EPHA3: variants seen among roughly 807,000 people sequenced by gnomAD.
EPHA3 encodes EPH receptor A3, also known as ephrin type-A receptor 3.
Under a neutral mutation model 107.1 loss-of-function variants are expected in EPHA3, and 42 were observed. That is an observed-to-expected ratio of 0.39 (90% CI 0.31 to 0.51). The LOEUF (loss-of-function observed/expected upper bound fraction) is 0.51, where lower values mean the gene tolerates loss of function less well. Among genes scored for constraint, EPHA3 ranks in the 20% least tolerant of loss-of-function variants. The pLI is 0.78. For synonymous variants in EPHA3, 461 were observed against 424.8 expected (o/e 1.09, Z -1.05); for missense variants, 1,183 against 1,211.2 (o/e 0.98, Z 0.35).
At chr3:89,164,936 C>G (rs1226238900) in intron 2 of EPHA3, among the ~76,000 whole-genome samples, 1 of 152,026 alleles carries the variant, frequency 6.6e-6, no homozygotes, top group Non-Finnish European at 1.5e-5. Context: ...ACTACTCAAA[C>G]AAACAAACAA....
intron 3 of EPHA3, among the ~76,000 whole-genome samples, chr3:89,248,346 C>T (rs904825766): frequency 2.0e-5 from 3 of 152,142 alleles, no homozygotes; most frequent in South Asian, 2.1e-4. Context: ...CATTCTAAAA[C>T]GTCTGACTTC....
intron 2 of EPHA3, among the ~76,000 whole-genome samples, chr3:89,154,462 A>G (rs1704755104): frequency 6.6e-6 from 1 of 151,884 alleles, no homozygotes; most frequent in South Asian, 2.1e-4. Context: ...ACTGCTAATT[A>G]TGTATAAATG....
rs757269652 is a variant in EPHA3, at chr3:89,152,245, A to C, written c.153+24972A>C. On this transcript the variant is annotated intron_variant, in intron 2 of 16. Transcript: ENST00000336596. ...TATCTCTAACTCAACAAATGATCAG[A>C]GGGAATACAACATACATAAGTCACC... is the stretch of plus-strand genomic sequence containing the variant. 1.1e-4 allele frequency among the ~76,000 whole-genome samples: 16 copies of C among 152,220 alleles called. No homozygotes were observed. The South Asian group carries it at 3.3e-3, about 32-fold the overall frequency.
intron 5 of EPHA3, among the ~76,000 whole-genome samples, chr3:89,389,738 G>A (rs1256258505): frequency 6.6e-6 from 1 of 152,192 alleles, no homozygotes; most frequent in East Asian, 1.9e-4. Context: ...GCAGACACAT[G>A]TATCAAGTGT....
chr3:89,282,921 G>A (rs1705984238), intron 3 of EPHA3, among the ~76,000 whole-genome samples: 3 of 152,054 alleles, frequency 2.0e-5, no homozygotes, highest in Admixed American at 1.3e-4. Context: ...GAAAGGCTTT[G>A]CCTTTATTTC....
At chr3:89,264,791 G>A (rs1008008733) in intron 3 of EPHA3, among the ~76,000 whole-genome samples, 1 of 152,100 alleles carries the variant, frequency 6.6e-6, no homozygotes, top group Non-Finnish European at 1.5e-5. Flanking sequence ...AAAGAAAACA[G>A]TAGGAGTTTT....
intron 12 of EPHA3, among the ~76,000 whole-genome samples, chr3:89,429,850 G>C (rs1474939644): frequency 6.6e-6 from 1 of 152,060 alleles, no homozygotes; most frequent in African/African-American, 2.4e-5. Flanking sequence ...TGCAATCCCC[G>C]CCTGCTGGGT....
At chr3:89,177,318 C>T (rs1383110895) in intron 2 of EPHA3, among the ~76,000 whole-genome samples, 2 of 152,136 alleles carry the variant, frequency 1.3e-5, no homozygotes, top group African/African-American at 2.4e-5. Flanking sequence ...TGTGCACTGA[C>T]AACTGAGTGT....
At chr3:89,360,535 A>C (rs993209043) in intron 5 of EPHA3, among the ~76,000 whole-genome samples, 3 of 150,918 alleles carry the variant, frequency 2.0e-5, no homozygotes, top group African/African-American at 7.3e-5. Flanking sequence ...CTTTCTCTCA[A>C]ACTGTATATC....
chr3:89,173,821 A>G (rs868067305), intron 2 of EPHA3, among the ~76,000 whole-genome samples: 3 of 152,164 alleles, frequency 2.0e-5, no homozygotes, highest in Non-Finnish European at 2.9e-5. Flanking sequence ...TAAAAATAAC[A>G]TACTGTCACA....
Position 89,460,266 on chromosome 3 carries a change from T to C in EPHA3, c.2690+9896T>C, listed in dbSNP as rs573533395. Among the ~76,000 whole-genome samples the C allele has an allele frequency of 7.9e-5, 12 of 152,104 alleles. No individual in the cohort carries two copies. In the South Asian group the frequency reaches 2.5e-3, roughly 32 times the overall value. On this transcript the variant is annotated intron_variant, in intron 15 of 16. Coordinates refer to ENST00000336596, the MANE Select transcript of EPHA3 (RefSeq NM_005233.6). Reference sequence around the variant, plus strand: ...TTGAATTCTTCTATACTGTTGTAAATTGATAAAATTCAAATTCTTGACACA... The same window carrying C: ...TTGAATTCTTCTATACTGTTGTAAACTGATAAAATTCAAATTCTTGACACA...
Position 89,127,213 on chromosome 3 carries a change from T to C in EPHA3, c.93T>C (p.Asn31=), listed in dbSNP as rs1704113620. ...ELIPQPSNEV[N]LLDSKTIQGE... The stretch of plus-strand genomic sequence containing the variant: ...GTGTATTATGTTTTATTTTAGTCAA[T>C]CTACTGGATTCAAAAACAATTCAAG... Residue 31 remains asparagine, a synonymous_variant, in exon 2 of 17, where the codon AAT becomes AAC. Coordinates refer to ENST00000336596, the MANE Select transcript of EPHA3 (RefSeq NM_005233.6). 6.2e-7 allele frequency: 1 copy of C among 1,611,348 alleles called. No individual in the cohort carries two copies. Among genetic ancestry groups the C allele is most frequent in the Non-Finnish European group, 8.5e-7 (1 of 1,177,868 alleles).
intron 3 of EPHA3, among the ~76,000 whole-genome samples, chr3:89,239,742 C>A (rs1704851520): frequency 1.3e-5 from 2 of 152,128 alleles, no homozygotes; most frequent in Admixed American, 6.5e-5. Flanking sequence ...AATCTCTGCA[C>A]AAGATAATTT....
At chr3:89,136,583 G>A (rs1231192122) in intron 2 of EPHA3, among the ~76,000 whole-genome samples, 1 of 151,516 alleles carries the variant, frequency 6.6e-6, no homozygotes, top group East Asian at 1.9e-4. Context: ...TAGGAGATTG[G>A]ATTAGAATTT....
At chr3:89,155,083 G>A (rs1023432481) in intron 2 of EPHA3, among the ~76,000 whole-genome samples, 52 of 151,462 alleles carry the variant, frequency 3.4e-4, no homozygotes, top group African/African-American at 1.2e-3. Flanking sequence ...TGATAGTGCT[G>A]TACATTAAAT....
At chr3:89,439,326 T>A (rs923683280) in intron 13 of EPHA3, among the ~76,000 whole-genome samples, 21 of 152,280 alleles carry the variant, frequency 1.4e-4, no homozygotes, top group African/African-American at 4.8e-4. Flanking sequence ...CTATTGGTGA[T>A]GCATGCCTTT....
chr3:89,361,111 C>G (rs1708082165), intron 5 of EPHA3, among the ~76,000 whole-genome samples: 1 of 150,840 alleles, frequency 6.6e-6, no homozygotes, highest in African/African-American at 2.4e-5. Context: ...AGAATTTTAC[C>G]TAGAGTGCAC....
In EPHA3 at chr3:89,388,354, A is replaced by T. The variant is rs563969344; in HGVS notation, c.1307-7483A>T. ...TGGGAAGACATACTGTAAGCAAATG[A>T]TGTAATTACAACACAATGCAGTCAG... On this transcript the variant is annotated intron_variant, in intron 5 of 16. Coordinates refer to ENST00000336596, the MANE Select transcript of EPHA3 (RefSeq NM_005233.6). 1.2e-3 allele frequency among the ~76,000 whole-genome samples: 188 copies of T among 152,300 alleles called. 7 individuals carry two copies. Among genetic ancestry groups the T allele is most frequent in the Admixed American group, 0.012 (188 of 15,296 alleles).
intron 2 of EPHA3, among the ~76,000 whole-genome samples, chr3:89,140,712 C>T (rs1290953521): frequency 1.3e-5 from 2 of 151,638 alleles, no homozygotes; most frequent in Non-Finnish European, 3.0e-5. Flanking sequence ...AGTGTAATAG[C>T]ATTATTTCAG....
Sources: allele counts gnomAD v4.1 joint callset (sites outside exome capture counted in the v4.1 genomes callset), GRCh38; gene constraint gnomAD v4.1.1; transcripts MANE v1.5; gene names NCBI Gene and HGNC (gene_info 2026-07-23, HGNC 2026-07-21).